Variants in NUBPL observed in about 807,000 individuals in gnomAD.
NUBPL encodes NUBP iron-sulfur cluster assembly factor, mitochondrial, also known as iron-sulfur cluster transfer protein NUBPL.
In NUBPL, 31 loss-of-function variants were observed where a neutral mutation model predicts 45.7. The observed-to-expected ratio is 0.68, with a 90% CI of 0.51 to 0.92. The LOEUF (loss-of-function observed/expected upper bound fraction) is 0.92. NUBPL is among the 40% of genes least tolerant of loss of function. The pLI, the probability that NUBPL is intolerant of heterozygous loss-of-function variation, is 0.00. For missense variants in NUBPL, 401 were observed against 398.7 expected, an observed-to-expected ratio of 1.01 and a Z score of -0.05; for synonymous variants, 144 against 140.9, an observed-to-expected ratio of 1.02 and a Z score of -0.15.
At chr14:31,837,173 T>A (rs1413652387) in intron 8 of NUBPL, among the ~76,000 whole-genome samples, 2 of 152,058 alleles carry the variant, frequency 1.3e-5, no homozygotes, top group Non-Finnish European at 2.9e-5. Context: ...AATAAAAAAT[T>A]AGCTGAGTGT....
chr14:31,615,688 G>A (rs550729459), intron 4 of NUBPL, among the ~76,000 whole-genome samples: 2 of 152,212 alleles, frequency 1.3e-5, no homozygotes, highest in East Asian at 1.9e-4. Context: ...TCTTTATCCA[G>A]TCCATCATTG....
chr14:31,627,189 G>C (rs1293042449), intron 4 of NUBPL, among the ~76,000 whole-genome samples: 1 of 152,058 alleles, frequency 6.6e-6, no homozygotes, highest in African/African-American at 2.4e-5. Context: ...AAAGGGAATT[G>C]AAATGATTTT....
intron 4 of NUBPL, among the ~76,000 whole-genome samples, chr14:31,623,535 T>C (rs544647600): frequency 7.9e-5 from 12 of 152,274 alleles, no homozygotes; most frequent in African/African-American, 4.8e-5. Flanking sequence ...TGGAAGGTGA[T>C]TGGATCATGC....
chr14:31,833,235 G>A, intron 8 of NUBPL, among the ~76,000 whole-genome samples: 1 of 152,044 alleles, frequency 6.6e-6, no homozygotes, highest in Admixed American at 6.6e-5. Flanking sequence ...CAAGTATGGT[G>A]GCATGCAACT....
intron 6 of NUBPL, among the ~76,000 whole-genome samples, chr14:31,748,653 C>T (rs2038453732): frequency 6.6e-6 from 1 of 151,988 alleles, no homozygotes; most frequent in African/African-American, 2.4e-5. Context: ...TTCTTTGTTG[C>T]CCAGGTTGGT....
intron 3 of NUBPL, among the ~76,000 whole-genome samples, chr14:31,567,797 G>A (rs1000019841): frequency 2.0e-5 from 3 of 152,182 alleles, no homozygotes; most frequent in Non-Finnish European, 2.9e-5. Context: ...CTGGGAACTT[G>A]TTAGACATGT....
At chr14:31,640,359 G>A (rs1021323770) in intron 4 of NUBPL, among the ~76,000 whole-genome samples, 1 of 152,138 alleles carries the variant, frequency 6.6e-6, no homozygotes, top group African/African-American at 2.4e-5. Flanking sequence ...CAGCACTTCG[G>A]GAGGCCAAGG....
chr14:31,671,279 G>A (rs2036564312), intron 4 of NUBPL, among the ~76,000 whole-genome samples: 1 of 152,134 alleles, frequency 6.6e-6, no homozygotes, highest in Admixed American at 6.5e-5. Context: ...TTCATCTAAT[G>A]TTGGACATTT....
chr14:31,585,782 C>T (rs781487833), intron 3 of NUBPL, among the ~76,000 whole-genome samples: 1 of 152,116 alleles, frequency 6.6e-6, no homozygotes, highest in Non-Finnish European at 1.5e-5. Flanking sequence ...CATTTCCTGA[C>T]TGTGTTTCTG....
At chr14:31,706,258 G>A (rs1009289067) in intron 6 of NUBPL, among the ~76,000 whole-genome samples, 1 of 152,214 alleles carries the variant, frequency 6.6e-6, no homozygotes, top group East Asian at 1.9e-4. Context: ...TGCAGTTATA[G>A]TGTCCTCCAG....
intron 6 of NUBPL, among the ~76,000 whole-genome samples, chr14:31,706,415 A>C (rs1276907285): frequency 2.0e-5 from 3 of 152,238 alleles, no homozygotes; most frequent in Admixed American, 2.0e-4. Flanking sequence ...CAAATTTGAC[A>C]AGAAGGTTAA....
chr14:31,665,734 T>C (rs932963737), intron 4 of NUBPL, among the ~76,000 whole-genome samples: 9 of 152,196 alleles, frequency 5.9e-5, no homozygotes, highest in Admixed American at 1.3e-4. Flanking sequence ...GTTCTGTAGA[T>C]GTCTATTAGG....
chr14:31,722,683 G>A (rs757825718), intron 6 of NUBPL, among the ~76,000 whole-genome samples: 7 of 152,162 alleles, frequency 4.6e-5, no homozygotes, highest in East Asian at 1.9e-4. Context: ...TTTCTCTAAC[G>A]ATCAGTGATG....
intron 4 of NUBPL, among the ~76,000 whole-genome samples, chr14:31,671,490 G>GT (rs1367811191): frequency 6.6e-6 from 1 of 152,148 alleles, no homozygotes; most frequent in Admixed American, 6.6e-5. Context: ...ATCTCTTAGT[G>GT]TAACTCACCG....
Position 31,666,254 on chromosome 14 carries a change from TATATA to T in NUBPL, c.383-7100_383-7096del, listed in dbSNP as rs1566487123. On this transcript the variant is annotated intron_variant, in intron 4 of 10. Coordinates refer to ENST00000281081, the MANE Select transcript of NUBPL (RefSeq NM_025152.3). ...ATATATATATATATATATATATATA[TATATA>T]TATAATTTTATTTTATTTTTTTTGA... Among the ~76,000 whole-genome samples the T allele has an allele frequency of 5.3e-3, 280 of 52,504 alleles. 26 individuals carry two copies. Among genetic ancestry groups the T allele is most frequent in the Admixed American group, 0.013 (61 of 4,608 alleles). The allele number at this position is 52,504 out of a possible 152,430, so 34.4% of individuals were successfully genotyped here.
intron 3 of NUBPL, among the ~76,000 whole-genome samples, chr14:31,597,749 G>A (rs2034321771): frequency 6.6e-6 from 1 of 152,014 alleles, no homozygotes; most frequent in South Asian, 2.1e-4. Context: ...TTTGGCAGTA[G>A]TTTTTAGTTT....
chr14:31,676,883 C>G (rs1595478755), intron 6 of NUBPL, among the ~76,000 whole-genome samples: 1 of 151,586 alleles, frequency 6.6e-6, no homozygotes, highest in African/African-American at 2.4e-5. Context: ...TGTGGCTTGT[C>G]TTTTTATGCT....
chr14:31,603,761 T>G (rs1220136945), intron 4 of NUBPL, among the ~76,000 whole-genome samples: 1 of 152,236 alleles, frequency 6.6e-6, no homozygotes, highest in East Asian at 1.9e-4. Flanking sequence ...AATTATTTTC[T>G]TGTTTCATGA....
intron 4 of NUBPL, among the ~76,000 whole-genome samples, chr14:31,634,262 G>A (rs1312673859): frequency 1.8e-5 from 2 of 108,408 alleles, no homozygotes; most frequent in African/African-American, 7.6e-5. Flanking sequence ...CAACAGTCCC[G>A]AGAGTGTGAT....
Sources: gnomAD v4.1 joint callset for allele counts (sites outside exome capture counted in the v4.1 genomes callset) on GRCh38, gnomAD v4.1.1 for gene constraint, MANE v1.5 for transcripts, NCBI Gene and HGNC (gene_info 2026-07-23, HGNC 2026-07-21) for gene names.